The following ZRANB3 variants were observed in gnomAD, a reference collection of about 807,000 sequenced individuals.
The protein encoded by ZRANB3 is zinc finger RANBP2-type containing 3, also known as DNA annealing helicase and endonuclease ZRANB3.
In ZRANB3, 125 loss-of-function variants were observed where a neutral mutation model predicts 133.8. That is an observed-to-expected ratio of 0.93 (90% CI 0.81 to 1.08). ZRANB3 has a LOEUF of 1.08. Among genes scored for constraint, ZRANB3 ranks in the 50% least tolerant of loss-of-function variants. The pLI, the probability that ZRANB3 is intolerant of heterozygous loss-of-function variation, is 0.00. For synonymous variants in ZRANB3, 387 were observed against 432.7 expected (o/e 0.89, Z 1.31); for missense variants, 1,229 against 1,275.5 (o/e 0.96, Z 0.56).
chr2:135,306,120 C>T (rs1430532511), intron 8 of ZRANB3, among the ~76,000 whole-genome samples: 3 of 152,134 alleles, frequency 2.0e-5, no homozygotes, highest in African/African-American at 7.2e-5. Flanking sequence ...GTCTACAGCT[C>T]TTGCTAGACT....
chr2:135,212,578 C>T (rs1203808974), intron 17 of ZRANB3, among the ~76,000 whole-genome samples: 6 of 152,088 alleles, frequency 3.9e-5, no homozygotes, highest in African/African-American at 1.2e-4. Context: ...TTCCAAAAAA[C>T]GGAGCTGACA....
intron 2 of ZRANB3, among the ~76,000 whole-genome samples, chr2:135,491,046 A>G (rs1255989900): frequency 6.6e-6 from 1 of 152,190 alleles, no homozygotes; most frequent in Non-Finnish European, 1.5e-5. Flanking sequence ...ACAGTTAGAT[A>G]GAAGAAATAA....
chr2:135,412,941 T>C (rs1688377001), intron 2 of ZRANB3, among the ~76,000 whole-genome samples: 1 of 152,186 alleles, frequency 6.6e-6, no homozygotes, highest in Admixed American at 6.5e-5. Flanking sequence ...GATTTATTTG[T>C]ATTACTCTGG....
chr2:135,492,399 T>C (rs1692430204), intron 2 of ZRANB3, among the ~76,000 whole-genome samples: 1 of 152,126 alleles, frequency 6.6e-6, no homozygotes, highest in South Asian at 2.1e-4. Flanking sequence ...GGATACTAAT[T>C]ACAGATCACA....
chr2:135,382,243 G>A (rs1051742257), intron 3 of ZRANB3, among the ~76,000 whole-genome samples: 3 of 152,210 alleles, frequency 2.0e-5, no homozygotes, highest in African/African-American at 7.2e-5. Context: ...AAGGGTATCA[G>A]TGATGGAAGA....
At chr2:135,451,050 T>C (rs1398153413) in intron 2 of ZRANB3, among the ~76,000 whole-genome samples, 1 of 152,218 alleles carries the variant, frequency 6.6e-6, no homozygotes, top group Non-Finnish European at 1.5e-5. Context: ...GAATATTGTG[T>C]ACTCAGAAGA....
rs543441338 is a variant in ZRANB3, at chr2:135,230,380, T to G, written c.1954+133A>C. 6.9e-5 allele frequency: 50 copies of G among 728,546 alleles called. No homozygotes were observed. In the African/African-American group the frequency reaches 9.1e-4, roughly 13 times the overall value. 45.1% of individuals were successfully genotyped at this position (728,546 alleles called of 1,614,324 possible). The stretch of plus-strand genomic sequence containing the variant: ...AAATTCAGTCTTCACTATAAGAAGC[T>G]CTTATTCCAATTTAAAAGCTAAAGT... On this transcript the variant is annotated intron_variant, in intron 13 of 20. Coordinates refer to ENST00000264159, the MANE Select transcript of ZRANB3 (RefSeq NM_032143.4).
chr2:135,346,158 G>A (rs924508628), intron 5 of ZRANB3, among the ~76,000 whole-genome samples: 106 of 152,276 alleles, frequency 7.0e-4, no homozygotes, highest in African/African-American at 2.4e-3. Flanking sequence ...GTGCAGTGGC[G>A]TGATCTTGGC....
chr2:135,421,660 C>G (rs1190213813), intron 2 of ZRANB3, among the ~76,000 whole-genome samples: 1 of 152,108 alleles, frequency 6.6e-6, no homozygotes, highest in Admixed American at 6.6e-5. Context: ...TCTCTGACTA[C>G]TCTATATCTG....
intron 3 of ZRANB3, among the ~76,000 whole-genome samples, chr2:135,363,416 T>C (rs1359559410): frequency 6.6e-6 from 1 of 152,230 alleles, no homozygotes. Context: ...ATATGTATTA[T>C]TCATTCAACA....
chr2:135,210,731 C>T (rs1310236628), intron 17 of ZRANB3, among the ~76,000 whole-genome samples: 5 of 152,102 alleles, frequency 3.3e-5, no homozygotes, highest in African/African-American at 9.7e-5. Flanking sequence ...GTCAGGAGTT[C>T]GAGACCAGCC....
chr2:135,493,466 TAAAAC>T (rs1692509252), intron 2 of ZRANB3, among the ~76,000 whole-genome samples: 1 of 151,522 alleles, frequency 6.6e-6, no homozygotes. Flanking sequence ...GCAACCCAAT[TAAAAC>T]AAGGGCAAAA....
At chr2:135,221,242 C>T (rs1470784991) in intron 15 of ZRANB3, among the ~76,000 whole-genome samples, 1 of 152,076 alleles carries the variant, frequency 6.6e-6, no homozygotes, top group East Asian at 1.9e-4. Flanking sequence ...AACTCATCTG[C>T]TTAGTGTCTT....
intron 9 of ZRANB3, among the ~76,000 whole-genome samples, chr2:135,274,605 T>A (rs1052166953): frequency 1.3e-5 from 2 of 152,072 alleles, no homozygotes; most frequent in Non-Finnish European, 2.9e-5. Flanking sequence ...TTTTTTTAAA[T>A]TTTTTTAATT....
At chr2:135,313,797 T>A (rs1573892303) in intron 7 of ZRANB3, among the ~76,000 whole-genome samples, 192 bp from the exon 8 acceptor site, 1 of 152,248 alleles carries the variant, frequency 6.6e-6, no homozygotes, top group Admixed American at 6.5e-5. Flanking sequence ...TTCAAAATTA[T>A]AGAAACCAAT....
chr2:135,366,785 G>A (rs1685958662), intron 3 of ZRANB3, among the ~76,000 whole-genome samples: 2 of 152,046 alleles, frequency 1.3e-5, no homozygotes, highest in African/African-American at 4.8e-5. Context: ...TTGGGAGACC[G>A]AGGTGGGTGG....
In ZRANB3 at chr2:135,380,991, T is replaced by C. The variant is rs192148769; in HGVS notation, c.180+9811A>G. 8.9e-4 allele frequency among the ~76,000 whole-genome samples: 135 copies of C among 152,164 alleles called. 2 individuals are homozygous for C. Among genetic ancestry groups the C allele is most frequent in the Middle Eastern group, 3.4e-3 (1 of 294 alleles). On this transcript the variant is annotated intron_variant, in intron 3 of 20. Transcript: ENST00000264159. ...ACTGGGTTCATCTCACTGGGGATTG[T>C]GGGACAGTGGGTGCAGGACAGAGGA...
At chr2:135,219,233 C>A (rs1694437187) in intron 15 of ZRANB3, 55 bp from the exon 16 acceptor site, 2 of 1,109,422 alleles carry the variant, frequency 1.8e-6, no homozygotes, top group Non-Finnish European at 2.5e-6. Flanking sequence ...GCACTAGTAA[C>A]TATTTTAAAT....
chr2:135,401,479 AC>A (rs891374990), intron 2 of ZRANB3, among the ~76,000 whole-genome samples: 7 of 149,372 alleles, frequency 4.7e-5, no homozygotes, highest in Admixed American at 3.3e-4. Flanking sequence ...TCACAAACAC[AC>A]CCTGTCGGTG....
Sources: allele counts gnomAD v4.1 joint callset (sites outside exome capture counted in the v4.1 genomes callset), GRCh38; gene constraint gnomAD v4.1.1; transcripts MANE v1.5; gene names NCBI Gene and HGNC (gene_info 2026-07-23, HGNC 2026-07-21).